NR3C2: variants seen among roughly 807,000 people sequenced by gnomAD.
NR3C2 encodes the protein mineralocorticoid receptor.
In NR3C2, 15 loss-of-function variants were observed where a neutral mutation model predicts 86.4. The ratio of observed to expected loss-of-function variants is 0.17; its 90% CI spans 0.12 to 0.27. The LOEUF is 0.27. Ranked by LOEUF, NR3C2 falls within the 10% of genes least tolerant of loss-of-function variation. NR3C2 has a pLI of 1.00. For missense variants in NR3C2, 960 were observed against 1,195.6 expected (o/e 0.80, Z 2.91); for synonymous variants, 458 against 450.5 (o/e 1.02, Z -0.21).
intron 2 of NR3C2, among the ~76,000 whole-genome samples, chr4:148,385,592 C>T (rs781039408): frequency 1.1e-4 from 17 of 152,098 alleles, no homozygotes; most frequent in Non-Finnish European, 2.4e-4. Flanking sequence ...GATATATCTC[C>T]TTAGAATGAA....
At chr4:148,093,368 G>T (rs1439895691) in intron 8 of NR3C2, among the ~76,000 whole-genome samples, 1 of 152,172 alleles carries the variant, frequency 6.6e-6, no homozygotes, top group African/African-American at 2.4e-5. Flanking sequence ...GCACATCTGG[G>T]GCCACTGCTG....
At chr4:148,087,687 TCCTTATA>T (rs1349323354) in intron 8 of NR3C2, among the ~76,000 whole-genome samples, 4 of 152,080 alleles carry the variant, frequency 2.6e-5, no homozygotes, top group Admixed American at 1.3e-4. Context: ...CTGGACCCCT[TCCTTATA>T]CCTTATACAA....
intron 4 of NR3C2, among the ~76,000 whole-genome samples, chr4:148,180,367 C>T (rs899076072): frequency 6.1e-5 from 9 of 147,684 alleles, no homozygotes; most frequent in African/African-American, 2.2e-4. Context: ...AAAAGTATTG[C>T]ACAGCAGGTA....
At chr4:148,203,129 A>G (rs1212955645) in intron 3 of NR3C2, among the ~76,000 whole-genome samples, 1 of 152,144 alleles carries the variant, frequency 6.6e-6, no homozygotes, top group Non-Finnish European at 1.5e-5. Context: ...TGAATGATCT[A>G]TTGCTTAATA....
Position 148,362,435 on chromosome 4 carries a change from ATTAT to A in NR3C2, c.1757+72665_1757+72668del, listed in dbSNP as rs145355825. On this transcript the variant is annotated intron_variant, in intron 2 of 8. Coordinates refer to ENST00000358102, the MANE Select transcript of NR3C2 (RefSeq NM_000901.5). ...ACTATGTACCTCATGAATAAGTACA[ATTAT>A]TTGTCAATTTAAAAACTTTAAAACT... Among the ~76,000 whole-genome samples the A allele has an allele frequency of 4.2e-3, 634 of 152,346 alleles. 6 individuals carry two copies. The highest frequency in any genetic ancestry group is 0.014 in the African/African-American group (599 of 41,588).
chr4:148,324,329 C>CTG (rs1743829344), intron 2 of NR3C2, among the ~76,000 whole-genome samples: 1 of 116,946 alleles, frequency 8.6e-6, no homozygotes, highest in Non-Finnish European at 1.7e-5. Flanking sequence ...AATAATATTC[C>CTG]TCTGTGTGTG....
In NR3C2 at chr4:148,081,015, T is replaced by G. The variant is rs891972851; in HGVS notation, c.*329A>C. 2.6e-6 allele frequency: 1 copy of G among 381,966 alleles called. No individual in the cohort carries two copies. The highest frequency in any genetic ancestry group is 6.2e-5 in the East Asian group (1 of 16,004). 23.7% of individuals were successfully genotyped at this position (381,966 alleles called of 1,614,324 possible). ...AAAACAAGCGAACGATACCAGAAACTACACGGCATAGTTAAAACTTCTTCC... is the reference window on the plus strand; with the variant it reads ...AAAACAAGCGAACGATACCAGAAACGACACGGCATAGTTAAAACTTCTTCC... On this transcript the variant is annotated 3_prime_UTR_variant, in exon 9 of 9. Transcript: ENST00000358102.
At chr4:148,193,630 A>G (rs1215488664) in intron 4 of NR3C2, among the ~76,000 whole-genome samples, 3 of 152,128 alleles carry the variant, frequency 2.0e-5, no homozygotes, top group Non-Finnish European at 4.4e-5. Flanking sequence ...CTGTATTTTA[A>G]ATTTTGTATT....
chr4:148,196,835 A>G (rs1736464173), intron 3 of NR3C2, among the ~76,000 whole-genome samples: 1 of 152,094 alleles, frequency 6.6e-6, no homozygotes. Context: ...GGTGTAGATA[A>G]TTACACAAAG....
At chr4:148,254,200 T>G (rs1392635260) in intron 3 of NR3C2, among the ~76,000 whole-genome samples, 1 of 152,216 alleles carries the variant, frequency 6.6e-6, no homozygotes, top group African/African-American at 2.4e-5. Flanking sequence ...AGATCTTAAG[T>G]GCAAAACTGA....
chr4:148,377,877 C>T (rs535139437), intron 2 of NR3C2, among the ~76,000 whole-genome samples: 6 of 151,998 alleles, frequency 3.9e-5, no homozygotes, highest in African/African-American at 9.7e-5. Context: ...TCCCAGTTCC[C>T]GGGAGACAGC....
At chr4:148,152,647 C>A in intron 5 of NR3C2, 34 bp from the exon 6 acceptor site, 1 of 1,610,220 alleles carries the variant, frequency 6.2e-7, no homozygotes, top group South Asian at 1.1e-5. Flanking sequence ...CAGAAATACA[C>A]TTAGCATTTA....
rs371818595 is a variant in NR3C2, at chr4:148,435,669, T to C, written c.1192A>G (p.Ile398Val). 1.4e-5 allele frequency: 22 copies of C among 1,614,140 alleles called. No homozygotes were observed. The Middle Eastern group carries it at 1.2e-3, about 84-fold the overall frequency. ...AAAGCTCCATCTGGTTCTGGTTTTA[T>C]GTACTGGACAATATTAAGCTGGCCA... ...VTGQLNIVQYIKPEPDGAFSS... is the reference protein window; with the variant it reads ...VTGQLNIVQYVKPEPDGAFSS... Residue 398 changes from isoleucine (I) to valine (V), a missense_variant, in exon 2 of 9, where the codon ATA becomes GTA. Ile to Val is a conservative substitution (Grantham distance 29). Coordinates refer to ENST00000358102, the MANE Select transcript of NR3C2 (RefSeq NM_000901.5).
At chr4:148,190,458 G>T (rs183753054) in intron 4 of NR3C2, among the ~76,000 whole-genome samples, 22 of 152,268 alleles carry the variant, frequency 1.4e-4, no homozygotes, top group Non-Finnish European at 1.6e-4. Context: ...CTATCATATG[G>T]TCCATCTTGG....
chr4:148,405,839 C>T (rs912660902), intron 2 of NR3C2, among the ~76,000 whole-genome samples: 7 of 152,172 alleles, frequency 4.6e-5, no homozygotes, highest in African/African-American at 1.7e-4. Context: ...ACTCAGACTT[C>T]CTAAGTCTCA....
chr4:148,204,441 T>C (rs932237703), intron 3 of NR3C2, among the ~76,000 whole-genome samples: 12 of 152,182 alleles, frequency 7.9e-5, no homozygotes, highest in Admixed American at 7.2e-4. Context: ...GACAGGTGCT[T>C]TACCAATCAT....
Position 148,320,665 on chromosome 4 carries a change from G to A in NR3C2, c.1758-60548C>T, listed in dbSNP as rs988511429. On this transcript the variant is annotated intron_variant, in intron 2 of 8. Coordinates refer to ENST00000358102, the MANE Select transcript of NR3C2 (RefSeq NM_000901.5). ...CTAGATTTTCTAGTTTATTTGCATA[G>A]AGGTGTTTGTAGTATTCTCTGATGG... Among the ~76,000 whole-genome samples, 14 of 151,950 alleles carry A rather than the reference G, an allele frequency of 9.2e-5. 1 individual carries two copies. The highest frequency in any genetic ancestry group is 3.4e-4 in the African/African-American group (14 of 41,346).
chr4:148,183,411 T>C (rs1735735554), intron 4 of NR3C2, among the ~76,000 whole-genome samples: 1 of 152,230 alleles, frequency 6.6e-6, no homozygotes, highest in South Asian at 2.1e-4. Context: ...TCTTCCACAA[T>C]GGTTGAACTA....
intron 8 of NR3C2, among the ~76,000 whole-genome samples, chr4:148,094,184 AAG>A (rs1307736620): frequency 2.6e-5 from 4 of 152,242 alleles, no homozygotes; most frequent in Non-Finnish European, 5.9e-5. Flanking sequence ...ATTATCAAAA[AAG>A]GGGGAAATAA....
Sources: allele counts gnomAD v4.1 joint callset (sites outside exome capture counted in the v4.1 genomes callset), GRCh38; gene constraint gnomAD v4.1.1; transcripts MANE v1.5; gene names NCBI Gene and HGNC (gene_info 2026-07-23, HGNC 2026-07-21).